The following GNG2 variants were observed in gnomAD, a reference collection of about 807,000 sequenced individuals.
GNG2 encodes the protein G protein subunit gamma 2.
GNG2 carries 5 observed loss-of-function variants against 5.5 expected under a neutral mutation model. The ratio of observed to expected loss-of-function variants is 0.91; its 90% CI spans 0.48 to 1.92. GNG2 has a LOEUF of 1.92. Among genes scored for constraint, GNG2 ranks in the 30% most tolerant of loss-of-function variants. The probability of loss-of-function intolerance (pLI) is 0.01; values close to 1 mark genes in which losing one functional copy is unlikely to be tolerated. For synonymous variants in GNG2, 28 were observed against 32.0 expected, an observed-to-expected ratio of 0.88 and a Z score of 0.42; for missense variants, 55 against 88.4, an observed-to-expected ratio of 0.62 and a Z score of 1.52.
intron 2 of GNG2, among the ~76,000 whole-genome samples, chr14:51,930,444 T>C (rs1887589221): frequency 6.6e-6 from 1 of 152,260 alleles, no homozygotes; most frequent in Non-Finnish European, 1.5e-5. Flanking sequence ...CTAGGGTTTC[T>C]TAGTGCAAGC....
chr14:51,856,707 A>G (rs561197864), upstream of GNG2, among the ~76,000 whole-genome samples: 2 of 152,400 alleles, frequency 1.3e-5, no homozygotes, highest in African/African-American at 4.8e-5. Flanking sequence ...CTGGGATTAC[A>G]GGCATAGGCC....
At chr14:51,932,961 A>C (rs536731378) in intron 2 of GNG2, among the ~76,000 whole-genome samples, 53 of 152,308 alleles carry the variant, frequency 3.5e-4, no homozygotes, top group African/African-American at 1.3e-3. Flanking sequence ...GGAGATGACA[A>C]AAGGCAAGGA....
chr14:51,892,995 A>T (rs1418669339), intron 2 of GNG2, among the ~76,000 whole-genome samples: 1 of 152,152 alleles, frequency 6.6e-6, no homozygotes, highest in African/African-American at 2.4e-5. Context: ...GATCTAACAG[A>T]TTCATGTTAA....
chr14:51,878,635 A>G (rs1385649563), intron 2 of GNG2, among the ~76,000 whole-genome samples: 1 of 152,196 alleles, frequency 6.6e-6, no homozygotes, highest in East Asian at 1.9e-4. Context: ...TTTACTAGGT[A>G]TCAGTCCTTC....
In GNG2 at chr14:51,951,791, A is replaced by G. The variant is rs964989854; in HGVS notation, c.87+1026A>G. ...GAACACACTCATTTACATATTGTCT[A>G]TGGCTGCTTTCACTCTAAAACAGCA... On this transcript the variant is annotated intron_variant, in intron 3 of 3. Coordinates refer to ENST00000556766, the MANE Select transcript of GNG2 (RefSeq NM_053064.5). 7.4e-6 allele frequency: 5 copies of G among 677,482 alleles called. No homozygotes were observed. The Admixed American group carries it at 8.9e-5, about 12-fold the overall frequency. 42.0% of individuals were successfully genotyped at this position (677,482 alleles called of 1,614,324 possible).
intron 2 of GNG2, among the ~76,000 whole-genome samples, chr14:51,889,669 T>C (rs1884716210): frequency 6.6e-6 from 1 of 152,206 alleles, no homozygotes; most frequent in Admixed American, 6.5e-5. Flanking sequence ...TTTTAACTCA[T>C]TGGTTGTACT....
At chr14:51,870,756 C>G (rs1169964097) in intron 1 of GNG2, among the ~76,000 whole-genome samples, 1 of 152,182 alleles carries the variant, frequency 6.6e-6, no homozygotes, top group Non-Finnish European at 1.5e-5. Flanking sequence ...GTCGCATTCT[C>G]TTTATGGTTG....
At chr14:51,950,318 ATAGTGTCTCTG>A (rs1262155173) in intron 2 of GNG2, among the ~76,000 whole-genome samples, 1 of 152,228 alleles carries the variant, frequency 6.6e-6, no homozygotes, top group Non-Finnish European at 1.5e-5. Context: ...GCCTCCCACT[ATAGTGTCTCTG>A]TAGTATAATA....
intron 2 of GNG2, among the ~76,000 whole-genome samples, chr14:51,901,447 G>T (rs1266279848): frequency 6.6e-6 from 1 of 151,990 alleles, no homozygotes; most frequent in African/African-American, 2.4e-5. Flanking sequence ...GCCTGCCTAG[G>T]CCTCCCAAAG....
At chr14:51,887,970 T>C (rs1462174968) in intron 2 of GNG2, among the ~76,000 whole-genome samples, 1 of 152,192 alleles carries the variant, frequency 6.6e-6, no homozygotes, top group African/African-American at 2.4e-5. Context: ...CCTATGCTCC[T>C]TTAAAAAATT....
chr14:51,849,768 G>A (rs749341084), intron 2 of GNG2, among the ~76,000 whole-genome samples: 9 of 148,906 alleles, frequency 6.0e-5, no homozygotes, highest in Non-Finnish European at 1.2e-4. Context: ...ATATTCAAAT[G>A]TATAAATTAT....
chr14:51,935,884 C>T (rs1474877002), intron 2 of GNG2, among the ~76,000 whole-genome samples: 1 of 152,108 alleles, frequency 6.6e-6, no homozygotes, highest in Non-Finnish European at 1.5e-5. Context: ...TTCATATAAT[C>T]ACTCTGTCCC....
intron 2 of GNG2, among the ~76,000 whole-genome samples, chr14:51,899,336 A>G (rs1885404507): frequency 6.6e-6 from 1 of 152,216 alleles, no homozygotes; most frequent in Non-Finnish European, 1.5e-5. Flanking sequence ...GGGTTAGGCC[A>G]TCCCTAGCTG....
At chr14:51,898,869 T>C (rs1040969435) in intron 2 of GNG2, among the ~76,000 whole-genome samples, 17 of 152,200 alleles carry the variant, frequency 1.1e-4, no homozygotes, top group Admixed American at 3.3e-4. Context: ...CCATGAGGAT[T>C]TGGTGGAAAT....
At chr14:51,872,979 A>G (rs1883412742) in intron 1 of GNG2, among the ~76,000 whole-genome samples, 2 of 152,102 alleles carry the variant, frequency 1.3e-5, no homozygotes, top group Non-Finnish European at 2.9e-5. Context: ...TGATTATTTC[A>G]TTTGGGTCTC....
chr14:51,899,902 A>T (rs7161446), intron 2 of GNG2, among the ~76,000 whole-genome samples: 104 of 152,196 alleles, frequency 6.8e-4, no homozygotes, highest in African/African-American at 2.4e-3. Flanking sequence ...TTGTTTCCCC[A>T]TTCACCCATC....
intron 3 of GNG2, among the ~76,000 whole-genome samples, chr14:51,957,090 T>TC (rs1348015789): frequency 6.6e-6 from 1 of 151,952 alleles, no homozygotes; most frequent in Admixed American, 6.6e-5. Context: ...TAGTAGGATT[T>TC]CAGCAATTGC....
intron 2 of GNG2, chr14:51,841,613 C>T: frequency 1.5e-6 from 1 of 686,774 alleles, no homozygotes; most frequent in Non-Finnish European, 2.7e-6. Context: ...TTCAACAGAA[C>T]CATTAAAAGG....
chr14:51,945,463 A>G (rs185733574), intron 2 of GNG2, among the ~76,000 whole-genome samples: 46 of 152,320 alleles, frequency 3.0e-4, no homozygotes, highest in Admixed American at 1.3e-4. Flanking sequence ...TTCCACTTCT[A>G]TGAGATACCT....
Sources: allele counts gnomAD v4.1 joint callset (sites outside exome capture counted in the v4.1 genomes callset), GRCh38; gene constraint gnomAD v4.1.1; transcripts MANE v1.5; gene names NCBI Gene and HGNC (gene_info 2026-07-23, HGNC 2026-07-21).